Variants in TVP23A observed in about 807,000 individuals in gnomAD.
TVP23A encodes trans-golgi network vesicle protein 23 homolog A.
A neutral mutation model predicts 31.7 loss-of-function variants in TVP23A; 21 were observed. The observed-to-expected ratio is 0.66, with a 90% CI of 0.47 to 0.95. The LOEUF (loss-of-function observed/expected upper bound fraction) is 0.95, where lower values mean the gene tolerates loss of function less well. Among genes scored for constraint, TVP23A ranks in the 40% least tolerant of loss-of-function variants. TVP23A has a pLI of 0.00. For synonymous variants in TVP23A, 104 were observed against 96.0 expected (o/e 1.08, Z -0.49); for missense variants, 279 against 255.6 (o/e 1.09, Z -0.62).
At chr16:10,783,358 G>A (rs1449774709) in intron 2 of TVP23A, among the ~76,000 whole-genome samples, 2 of 152,082 alleles carry the variant, frequency 1.3e-5, no homozygotes, top group East Asian at 1.9e-4. Context: ...ATTCATAATT[G>A]CCAAAACTCA....
At chr16:10,813,037 C>T (rs1313831631) in intron 2 of TVP23A, among the ~76,000 whole-genome samples, 1 of 152,166 alleles carries the variant, frequency 6.6e-6, no homozygotes, top group Non-Finnish European at 1.5e-5. Context: ...ATGTGATGTA[C>T]TTCCCAGGCC....
chr16:10,761,442 A>C (rs775178236), exon 9 of TVP23A: 1 of 1,614,072 alleles, frequency 6.2e-7, no homozygotes, highest in Admixed American at 1.7e-5. Context: ...GGTGGTGGAG[A>C]ACATGAGTGG....
chr16:10,800,038 G>A (rs2033620612), intron 2 of TVP23A, among the ~76,000 whole-genome samples: 1 of 126,656 alleles, frequency 7.9e-6, no homozygotes, highest in Non-Finnish European at 1.6e-5. Flanking sequence ...TTTTCGCACT[G>A]GCAGTAAAAA....
Position 10,768,905 on chromosome 16 carries a change from G to C in TVP23A, c.*197C>G, listed in dbSNP as rs148820675. ...TATTCCGGTCACTTTCAAAGACTCA[G>C]GGCATCACAGACACAGGTCTTTTTA... is the stretch of plus-strand genomic sequence containing the variant. On this transcript the variant is annotated 3_prime_UTR_variant, in exon 8 of 8. Coordinates refer to ENST00000299866, the MANE Select transcript of TVP23A (RefSeq NM_001079512.4). This position sits in a 1 kb window ranked among gnomAD's most constrained non-coding sequence, Gnocchi z 4.3. The C allele has an allele frequency of 2.7e-4, 188 of 700,098 alleles. No homozygotes were observed. In the African/African-American group the frequency reaches 2.9e-3, roughly 11 times the overall value. The allele number at this position is 700,098 out of a possible 1,614,324, so 43.4% of individuals were successfully genotyped here. A position where few individuals can be genotyped will look rare whatever the true frequency, so the allele number is the denominator to read the frequency against.
At chr16:10,761,662 GC>G in intron 8 of TVP23A, 4 of 1,013,816 alleles carry the variant, frequency 3.9e-6, no homozygotes, top group African/African-American at 1.6e-5. Flanking sequence ...TTCAAACTAA[GC>G]CTTTTTTTTT....
At chr16:10,793,716 G>A (rs1331272391) in intron 2 of TVP23A, among the ~76,000 whole-genome samples, 1 of 151,414 alleles carries the variant, frequency 6.6e-6, no homozygotes, top group East Asian at 1.9e-4. Context: ...GAAACATAGG[G>A]AGACCCTGTC....
chr16:10,782,942 A>G (rs1419060051), intron 2 of TVP23A, among the ~76,000 whole-genome samples: 2 of 152,058 alleles, frequency 1.3e-5, no homozygotes, highest in African/African-American at 4.8e-5. Flanking sequence ...TCCCTTCAAA[A>G]CAACCCAAAA....
chr16:10,814,628 T>C (rs74007557), intron 2 of TVP23A, among the ~76,000 whole-genome samples: 2 of 151,212 alleles, frequency 1.3e-5, no homozygotes, highest in African/African-American at 4.9e-5. Flanking sequence ...AATCCTTCCA[T>C]GGTGACCGAA....
Position 10,818,028 on chromosome 16 carries a change from T to G in TVP23A, c.89+75A>C. The G allele has an allele frequency of 7.7e-7, 1 of 1,291,280 alleles. No homozygotes were observed. Among genetic ancestry groups the G allele is most frequent in the Non-Finnish European group, 1.1e-6 (1 of 908,978 alleles). The allele number at this position is 1,291,280 out of a possible 1,614,324, so 80.0% of individuals were successfully genotyped here. A position where few individuals can be genotyped will look rare whatever the true frequency, so the allele number is the denominator to read the frequency against. On this transcript the variant is annotated intron_variant, in intron 2 of 7. Coordinates refer to ENST00000299866, the MANE Select transcript of TVP23A (RefSeq NM_001079512.4). This position sits in a 1 kb window ranked among gnomAD's most constrained non-coding sequence, Gnocchi z 4.7. ...GCACACAGTAGGTGCTCAATATATT[T>G]TGAATGAATGAGTGAGTAAATGAAT...
intron 3 of TVP23A, among the ~76,000 whole-genome samples, chr16:10,774,733 C>A (rs1361097722): frequency 6.6e-6 from 1 of 152,008 alleles, no homozygotes; most frequent in Non-Finnish European, 1.5e-5. Context: ...GCCTCAGCCT[C>A]CCAAGTAGCT....
intron 2 of TVP23A, among the ~76,000 whole-genome samples, chr16:10,813,943 G>A (rs968096475): frequency 1.5e-5 from 2 of 136,420 alleles, no homozygotes; most frequent in Non-Finnish European, 3.1e-5. Context: ...AGGTTGCAGT[G>A]AGCCGAGATC....
At chr16:10,757,693 T>C (rs1454432445), downstream of TVP23A, among the ~76,000 whole-genome samples, 1 of 152,030 alleles carries the variant, frequency 6.6e-6, no homozygotes, top group African/African-American at 2.4e-5. The surrounding 1 kb of genome is among the most constrained non-coding windows in gnomAD (Gnocchi z 4.1). Context: ...CTGGGCACAG[T>C]GGCACGCACT....
intron 2 of TVP23A, among the ~76,000 whole-genome samples, chr16:10,781,023 A>G (rs1182234964): frequency 6.6e-6 from 1 of 152,084 alleles, no homozygotes; most frequent in African/African-American, 2.4e-5. Context: ...AACCCCAGCC[A>G]CATAGAAACC....
chr16:10,799,653 T>C (rs1233713948), intron 2 of TVP23A, among the ~76,000 whole-genome samples: 1 of 152,194 alleles, frequency 6.6e-6, no homozygotes, highest in Non-Finnish European at 1.5e-5. Context: ...ATTTTAACTC[T>C]GCATAAGGTA....
intron 2 of TVP23A, among the ~76,000 whole-genome samples, chr16:10,800,637 G>C (rs1341139489): frequency 6.6e-6 from 1 of 152,102 alleles, no homozygotes; most frequent in Non-Finnish European, 1.5e-5. Context: ...CCTGTGGGAG[G>C]CTCTTTAGTT....
intron 2 of TVP23A, among the ~76,000 whole-genome samples, chr16:10,817,325 C>T (rs1442826692): frequency 2.0e-5 from 3 of 152,198 alleles, no homozygotes; most frequent in Non-Finnish European, 2.9e-5. Context: ...AGAGACTTTA[C>T]AAGGAATGGC....
intron 2 of TVP23A, among the ~76,000 whole-genome samples, chr16:10,787,313 A>C (rs560976100): frequency 1.7e-4 from 26 of 152,294 alleles, no homozygotes; most frequent in Non-Finnish European, 3.1e-4. Context: ...TTTCTTTCCC[A>C]ATAAAGAGCA....
At chr16:10,807,307 A>G (rs542216725) in intron 2 of TVP23A, among the ~76,000 whole-genome samples, 8 of 152,338 alleles carry the variant, frequency 5.3e-5, no homozygotes, top group South Asian at 2.1e-4. Flanking sequence ...GGTGTCATCA[A>G]TACTGTCACC....
chr16:10,765,262 T>TACACACACACACACACACACACAC (rs139167455), downstream of TVP23A: 1 of 128,870 alleles, frequency 7.8e-6, no homozygotes, highest in East Asian at 2.3e-4. The surrounding 1 kb of genome is among the most constrained non-coding windows in gnomAD (Gnocchi z 4.0). Context: ...CTCCATTAAA[T>TACACACACACACACACACACACAC]ACACACACAC....
Sources: gnomAD v4.1 joint callset for allele counts (sites outside exome capture counted in the v4.1 genomes callset) on GRCh38, gnomAD v4.1.1 for gene constraint, Gnocchi (gnomAD v3.1) non-coding constraint, MANE v1.5 for transcripts, NCBI Gene and HGNC (gene_info 2026-07-23, HGNC 2026-07-21) for gene names.